RIC1: variants seen among roughly 807,000 people sequenced by gnomAD.
RIC1 encodes guanine nucleotide exchange factor subunit RIC1.
RIC1 carries 88 observed loss-of-function variants against 169.0 expected under a neutral mutation model. The observed-to-expected ratio is 0.52, with a 90% CI of 0.44 to 0.62. The LOEUF is 0.62. Ranked by LOEUF, RIC1 falls within the 20% of genes least tolerant of loss-of-function variation. The pLI, the probability that RIC1 is intolerant of heterozygous loss-of-function variation, is 0.00. For missense variants in RIC1, 1,877 were observed against 1,725.5 expected (o/e 1.09, Z -1.56); for synonymous variants, 790 against 601.5 (o/e 1.31, Z -4.59).
intron 2 of RIC1, among the ~76,000 whole-genome samples, chr9:5,686,596 G>A (rs1218347360): frequency 7.3e-6 from 1 of 137,040 alleles, no homozygotes; most frequent in Non-Finnish European, 1.5e-5. Flanking sequence ...AGGGAGACAT[G>A]AAGGGGAATA....
At chr9:5,679,600 C>G (rs1820686827) in intron 2 of RIC1, among the ~76,000 whole-genome samples, 1 of 152,064 alleles carries the variant, frequency 6.6e-6, no homozygotes, top group Non-Finnish European at 1.5e-5. Context: ...CTCTTTGAAG[C>G]AATTGTGAAT....
At chr9:5,670,426 C>T (rs995084223) in intron 2 of RIC1, among the ~76,000 whole-genome samples, 1 of 152,168 alleles carries the variant, frequency 6.6e-6, no homozygotes, top group African/African-American at 2.4e-5. Flanking sequence ...CTTATTGATT[C>T]CATAGCTTGC....
At chr9:5,766,913 C>A (rs1349235356) in intron 21 of RIC1, among the ~76,000 whole-genome samples, 1 of 152,222 alleles carries the variant, frequency 6.6e-6, no homozygotes, top group South Asian at 2.1e-4. Context: ...TTGAGGGAAT[C>A]TCCACCCTGT....
chr9:5,763,175 T>C lies in RIC1; in HGVS notation c.2148T>C (p.Ser716=), dbSNP rs1246283481. 5.8e-5 allele frequency: 93 copies of C among 1,614,034 alleles called. No homozygotes were observed. Among genetic ancestry groups the C allele is most frequent in the Non-Finnish European group, 7.7e-5 (91 of 1,180,008 alleles). The change falls in exon 19 of 26, where the codon TCT becomes TCC. Residue 716 remains serine (S), a synonymous_variant. Coordinates refer to ENST00000414202, the MANE Select transcript of RIC1 (RefSeq NM_020829.4). This position sits in a 1 kb window ranked among gnomAD's most constrained non-coding sequence, Gnocchi z 5.2. The part of the protein sequence containing the change: ...PFCPPVVLAQ[S]VENVWTTCRA... ...GTCCTCCTGTTGTACTAGCCCAGTC[T>C]GTTGAAAATGTCTGGACAACGTGTC... is the stretch of plus-strand genomic sequence containing the variant.
intron 1 of RIC1, among the ~76,000 whole-genome samples, chr9:5,638,096 G>A (rs1818063890): frequency 6.6e-6 from 1 of 152,156 alleles, no homozygotes; most frequent in Non-Finnish European, 1.5e-5. Context: ...AGCATCAGTT[G>A]AAATGATCAT....
Position 5,732,334 on chromosome 9 carries a change from A to G in RIC1, c.721-54A>G, listed in dbSNP as rs376697629. On this transcript the variant is annotated intron_variant, in intron 6 of 25. Transcript: ENST00000414202. ...TTATTGAAGGAGAATTATATTGACT[A>G]CGGTAAATTTGGAGAAACACTTTTT... 4.2e-4 allele frequency: 554 copies of G among 1,312,272 alleles called. 4 individuals carry two copies. The highest frequency in any genetic ancestry group is 2.0e-3 in the South Asian group (156 of 79,728). 81.3% of individuals were successfully genotyped at this position (1,312,272 alleles called of 1,614,324 possible).
chr9:5,738,177 C>T (rs909095233), intron 7 of RIC1, among the ~76,000 whole-genome samples: 2 of 152,032 alleles, frequency 1.3e-5, no homozygotes, highest in African/African-American at 4.8e-5. Flanking sequence ...GCTAGATAGG[C>T]TATTTCCTTT....
intron 6 of RIC1, among the ~76,000 whole-genome samples, chr9:5,730,079 G>C (rs1824268054): frequency 6.6e-6 from 1 of 151,978 alleles, no homozygotes; most frequent in Non-Finnish European, 1.5e-5. Flanking sequence ...TACTAAATAA[G>C]GTATAGATAG....
At chr9:5,698,436 C>T (rs182977490) in intron 3 of RIC1, among the ~76,000 whole-genome samples, 1 of 152,276 alleles carries the variant, frequency 6.6e-6, no homozygotes, top group East Asian at 1.9e-4. Flanking sequence ...AAGGGCCACT[C>T]ATTAACATGA....
Position 5,747,298 on chromosome 9 carries a change from T to G in RIC1, c.1249-4T>G. ...GCCCTTTTGTTCCTCTTTCCCTCATTTAGAGTAACCAAGAGCAGGTGTTGC... is the reference window on the plus strand; with the variant it reads ...GCCCTTTTGTTCCTCTTTCCCTCATGTAGAGTAACCAAGAGCAGGTGTTGC... On this transcript the variant is annotated splice_polypyrimidine_tract_variant and splice_region_variant and intron_variant, in intron 11 of 25. Transcript: ENST00000414202. 1 of 1,613,318 alleles carries G rather than the reference T, an allele frequency of 6.2e-7. No homozygotes were observed.
chr9:5,699,032 C>A (rs764202836), intron 3 of RIC1, among the ~76,000 whole-genome samples: 1 of 152,170 alleles, frequency 6.6e-6, no homozygotes, highest in Non-Finnish European at 1.5e-5. Flanking sequence ...GACTTGACTC[C>A]TCTGGGGAAC....
chr9:5,724,058 A>G (rs959080857), intron 6 of RIC1, among the ~76,000 whole-genome samples: 2 of 152,116 alleles, frequency 1.3e-5, no homozygotes, highest in Non-Finnish European at 2.9e-5. Context: ...TTTTGGTTCC[A>G]TATGAACTTT....
In RIC1 at chr9:5,689,977, T is replaced by C; in HGVS notation, c.271T>C (p.Leu91=). The C allele has an allele frequency of 1.2e-6, 2 of 1,602,990 alleles. No individual in the cohort carries two copies. The highest frequency in any genetic ancestry group is 1.7e-6 in the Non-Finnish European group (2 of 1,175,154). ...IAVSTANGYI[L]FFHITSTRGD... The stretch of plus-strand genomic sequence containing the variant: ...CTTTCAGACGGCAAATGGATACATC[T>C]TGTTTTTTCATATTACATCTACAAG... Residue 91 remains leucine (L), a synonymous_variant, in exon 3 of 26, where the codon TTG becomes CTG. Transcript: ENST00000414202.
chr9:5,749,712 A>G (rs1025249894), intron 12 of RIC1, among the ~76,000 whole-genome samples: 1 of 151,494 alleles, frequency 6.6e-6, no homozygotes, highest in Non-Finnish European at 1.5e-5. Flanking sequence ...CTAAAACAAA[A>G]CAAATACATA....
At position 5,755,118 on chromosome 9, in the gene RIC1, A is replaced by T. The variant is rs140483038; in HGVS notation, c.1692+188A>T. Among the ~76,000 whole-genome samples, 22 of 152,340 alleles carry T rather than the reference A, an allele frequency of 1.4e-4. 1 individual carries two copies. The highest frequency in any genetic ancestry group is 5.0e-4 in the African/African-American group (21 of 41,592). ...TTACTTTAAAAAATTATTAAGTGAC[A>T]ATTGAGACTTTTAAGATAACCTTTT... On this transcript the variant is annotated intron_variant, in intron 15 of 25. Transcript: ENST00000414202.
At chr9:5,693,711 T>C (rs923136959) in intron 3 of RIC1, among the ~76,000 whole-genome samples, 18 of 152,140 alleles carry the variant, frequency 1.2e-4, no homozygotes, top group African/African-American at 4.3e-4. Flanking sequence ...ATGCTTATGT[T>C]TAAATAGAAG....
intron 2 of RIC1, among the ~76,000 whole-genome samples, chr9:5,677,507 T>C (rs1820523412): frequency 6.6e-6 from 1 of 152,212 alleles, no homozygotes; most frequent in Admixed American, 6.5e-5. Context: ...TACATATGTG[T>C]GGGTTTACTT....
intron 1 of RIC1, among the ~76,000 whole-genome samples, chr9:5,649,943 C>T (rs757003321): frequency 1.1e-4 from 16 of 151,944 alleles, no homozygotes; most frequent in Non-Finnish European, 1.8e-4. Flanking sequence ...ACCTTTTTAG[C>T]CATATATAGC....
intron 19 of RIC1, among the ~76,000 whole-genome samples, chr9:5,764,807 T>C (rs1343657522): frequency 6.6e-6 from 1 of 152,228 alleles, no homozygotes; most frequent in African/African-American, 2.4e-5. Flanking sequence ...CAATGTAATT[T>C]TTTTCTGCAA....
Sources: allele counts gnomAD v4.1 joint callset (sites outside exome capture counted in the v4.1 genomes callset), GRCh38; gene constraint gnomAD v4.1.1; non-coding constraint Gnocchi (gnomAD v3.1); transcripts MANE v1.5; gene names NCBI Gene and HGNC (gene_info 2026-07-23, HGNC 2026-07-21).